BLOC1S6: variants seen among roughly 807,000 people sequenced by gnomAD.
BLOC1S6 encodes biogenesis of lysosome-related organelles complex 1 subunit 6.
In BLOC1S6, 24 loss-of-function variants were observed where a neutral mutation model predicts 24.7. That is an observed-to-expected ratio of 0.97 (90% confidence interval 0.70 to 1.37). The LOEUF (loss-of-function observed/expected upper bound fraction) is 1.37. BLOC1S6 is among the 40% of genes most tolerant of loss of function. BLOC1S6 has a pLI of 0.00. For missense variants in BLOC1S6, 175 were observed against 196.2 expected (o/e 0.89, Z 0.64); for synonymous variants, 76 against 72.6 (o/e 1.05, Z -0.23).
intron 4 of BLOC1S6, 77 bp downstream of exon 4, chr15:45,605,591 T>C: frequency 8.6e-7 from 1 of 1,156,964 alleles, no homozygotes; most frequent in Non-Finnish European, 1.2e-6. Flanking sequence ...TTTTTTTCAG[T>C]ATTCTTTTTT....
chr15:45,591,596 C>T (rs1893888509), intron 1 of BLOC1S6, among the ~76,000 whole-genome samples: 1 of 152,092 alleles, frequency 6.6e-6, no homozygotes, highest in Admixed American at 6.6e-5. Context: ...CCGTGCCCAG[C>T]CATTCTGGGC....
chr15:45,600,727 T>C (rs1894242825), intron 2 of BLOC1S6, among the ~76,000 whole-genome samples: 1 of 152,220 alleles, frequency 6.6e-6, no homozygotes, highest in Non-Finnish European at 1.5e-5. Flanking sequence ...TGAGGAGTTT[T>C]ATATCGATGT....
At chr15:45,601,046 C>T (rs1894252650) in intron 2 of BLOC1S6, among the ~76,000 whole-genome samples, 1 of 152,166 alleles carries the variant, frequency 6.6e-6, no homozygotes, top group South Asian at 2.1e-4. Context: ...AGCCTTTATA[C>T]ACTATGTTTT....
At chr15:45,604,355 G>A (rs151010882) in intron 3 of BLOC1S6, among the ~76,000 whole-genome samples, 10 of 152,312 alleles carry the variant, frequency 6.6e-5, no homozygotes, top group African/African-American at 1.9e-4. Flanking sequence ...TTAGAGGCCT[G>A]TGGAAGTAAA....
At chr15:45,597,244 G>A (rs1268054463) in intron 2 of BLOC1S6, among the ~76,000 whole-genome samples, 4 of 152,104 alleles carry the variant, frequency 2.6e-5, no homozygotes, top group African/African-American at 7.2e-5. Context: ...TGGGAGCCTG[G>A]GGCAGAAGGA....
chr15:45,600,734 A>G (rs1469807389), intron 2 of BLOC1S6, among the ~76,000 whole-genome samples: 1 of 152,154 alleles, frequency 6.6e-6, no homozygotes, highest in Non-Finnish European at 1.5e-5. Flanking sequence ...TTTTATATCG[A>G]TGTTCATGAG....
rs1452109543 is a variant in BLOC1S6 at position 45,607,020 on chromosome 15, C to G, written c.*506C>G. On this transcript the variant is annotated 3_prime_UTR_variant, in exon 5 of 5. Coordinates refer to ENST00000220531, the MANE Select transcript of BLOC1S6 (RefSeq NM_012388.4). ...AACCTTTTGAACAGTTGAATTTCATCAGAAGCTCTATAGCTTTTTGGTGAG... is the reference window on the plus strand; with the variant it reads ...AACCTTTTGAACAGTTGAATTTCATGAGAAGCTCTATAGCTTTTTGGTGAG... 1 of 155,342 alleles carries G rather than the reference C, an allele frequency of 6.4e-6. No individual in the cohort carries two copies. The highest frequency in any genetic ancestry group is 1.4e-5 in the Non-Finnish European group (1 of 70,246). The allele number at this position is 155,342 out of a possible 1,614,324, so 9.6% of individuals were successfully genotyped here.
At chr15:45,597,602 A>G (rs868244720) in intron 2 of BLOC1S6, among the ~76,000 whole-genome samples, 29 of 152,166 alleles carry the variant, frequency 1.9e-4, no homozygotes, top group African/African-American at 7.2e-5. Flanking sequence ...ATTTTGTTAT[A>G]TTTGTACCAC....
intron 1 of BLOC1S6, among the ~76,000 whole-genome samples, chr15:45,588,312 T>C (rs957480589): frequency 1.3e-5 from 2 of 152,254 alleles, no homozygotes; most frequent in African/African-American, 4.8e-5. Flanking sequence ...TGTATGTATT[T>C]GAAACTTGGG....
Position 45,603,139 on chromosome 15 carries a change from G to T in BLOC1S6, c.264G>T (p.Glu88Asp). The T allele has an allele frequency of 5.6e-6, 9 of 1,611,620 alleles. No homozygotes were observed. The highest frequency in any genetic ancestry group is 7.6e-6 in the Non-Finnish European group (9 of 1,178,250). The stretch of plus-strand genomic sequence containing the variant: ...TATTGTTAGACACACTGGAACAAGA[G>T]ATTTCAAAATTTAAAGAATGTCATT... The part of the protein sequence containing the change: ...QVVLLDTLEQ[E>D]ISKFKECHSM... Residue 88 changes from glutamate to aspartate, a missense_variant, in exon 3 of 5, where the codon GAG becomes GAT. Glu to Asp is a conservative substitution (Grantham distance 45, BLOSUM62 2). Coordinates refer to ENST00000220531, the MANE Select transcript of BLOC1S6 (RefSeq NM_012388.4).
rs1894586111 is a variant in BLOC1S6 at position 45,609,094 on chromosome 15, C to T, written c.*2580C>T. On this transcript the variant is annotated 3_prime_UTR_variant, in exon 5 of 5. Transcript: ENST00000220531. ...ATATTAGTATCCTTTATTTTAAAGT[C>T]AATTGTAAACCAGAAGTACTGTTAT... 2 of 152,106 alleles carry T rather than the reference C, an allele frequency of 1.3e-5. No homozygotes were observed. The highest frequency in any genetic ancestry group is 4.2e-4 in the South Asian group (2 of 4,814). The allele number at this position is 152,106 out of a possible 1,614,324, so 9.4% of individuals were successfully genotyped here.
At chr15:45,594,299 A>G (rs1238886290) in intron 2 of BLOC1S6, among the ~76,000 whole-genome samples, 6 of 152,216 alleles carry the variant, frequency 3.9e-5, no homozygotes, top group Admixed American at 6.5e-5. Context: ...ATATTCATTT[A>G]TATGTATTTA....
At chr15:45,603,220 CATCTT>C (rs1894331409) in intron 3 of BLOC1S6, 33 bp downstream of exon 3, 3 of 1,412,170 alleles carry the variant, frequency 2.1e-6, no homozygotes, top group African/African-American at 1.4e-5. Flanking sequence ...AATTTAATGA[CATCTT>C]GTCTTAGCAA....
At chr15:45,605,399 T>C in intron 3 of BLOC1S6, 29 bp from the exon 4 acceptor site, 1 of 1,532,218 alleles carries the variant, frequency 6.5e-7, no homozygotes, top group East Asian at 2.3e-5. Flanking sequence ...TATTTTAACT[T>C]GACTTTTCAT....
At chr15:45,596,876 A>G (rs775143383) in intron 2 of BLOC1S6, among the ~76,000 whole-genome samples, 2 of 151,932 alleles carry the variant, frequency 1.3e-5, no homozygotes, top group Non-Finnish European at 2.9e-5. Context: ...GGGTTTCACC[A>G]TGTTGGCCAG....
intron 1 of BLOC1S6, 152 bp from the exon 2 acceptor site, chr15:45,591,983 C>T (rs1008007006): frequency 4.2e-5 from 36 of 855,204 alleles, no homozygotes; most frequent in Middle Eastern, 3.6e-4. Flanking sequence ...TGAAAGGTTC[C>T]GGCTGGTCAG....
At chr15:45,599,931 C>T (rs1290207250) in intron 2 of BLOC1S6, among the ~76,000 whole-genome samples, 1 of 147,754 alleles carries the variant, frequency 6.8e-6, no homozygotes, top group Non-Finnish European at 1.5e-5. Context: ...GGAACCAACC[C>T]AAATGTCCAA....
chr15:45,587,980 G>C (rs1194707090), intron 1 of BLOC1S6: 1 of 575,308 alleles, frequency 1.7e-6, no homozygotes, highest in African/African-American at 1.9e-5. Context: ...AGTTCCAGGA[G>C]GGATTTAAGC....
Position 45,587,408 on chromosome 15 carries a change from C to G in BLOC1S6, c.-36C>G, listed in dbSNP as rs375226016. 3 of 1,541,200 alleles carry G rather than the reference C, an allele frequency of 1.9e-6. No homozygotes were observed. Among genetic ancestry groups the G allele is most frequent in the Admixed American group, 1.9e-5 (1 of 51,874 alleles). ...GCCGCCTTGCTTCTGACGAGCCACA[C>G]GTTTGCTTCTTCCCTGTGTTCCCAG... On this transcript the variant is annotated 5_prime_UTR_variant, in exon 1 of 5. Coordinates refer to ENST00000220531, the MANE Select transcript of BLOC1S6 (RefSeq NM_012388.4).
Sources: gnomAD v4.1 joint callset for allele counts (sites outside exome capture counted in the v4.1 genomes callset) on GRCh38, gnomAD v4.1.1 for gene constraint, MANE v1.5 for transcripts, NCBI Gene and HGNC (gene_info 2026-07-23, HGNC 2026-07-21) for gene names.